Variants in RSPH3 observed in about 807,000 individuals in gnomAD.
RSPH3 encodes radial spoke head 3, also known as radial spoke head protein 3 homolog.
RSPH3 carries 21 observed loss-of-function variants against 43.8 expected under a neutral mutation model. That is an observed-to-expected ratio of 0.48 (90% confidence interval 0.34 to 0.69). The LOEUF is 0.69. Ranked by LOEUF, RSPH3 falls within the 30% of genes least tolerant of loss-of-function variation. RSPH3 has a pLI of 0.01. For missense variants in RSPH3, 487 were observed against 516.0 expected (o/e 0.94, Z 0.54); for synonymous variants, 173 against 179.8 (o/e 0.96, Z 0.30).
At chr6:158,992,050 G>GTTTTTTTTTT (rs1214613827) in intron 2 of RSPH3, among the ~76,000 whole-genome samples, 3 of 113,816 alleles carry the variant, frequency 2.6e-5, no homozygotes, top group East Asian at 2.7e-4. Context: ...AATGAGCACT[G>GTTTTTTTTTT]TTTTTTTTTT....
At chr6:158,972,769 T>C (rs1777712257), downstream of RSPH3, 1 of 152,248 alleles carries the variant, frequency 6.6e-6, no homozygotes, top group Non-Finnish European at 1.5e-5. Flanking sequence ...TTTCAAACTC[T>C]TTAACACTTG....
downstream of RSPH3, among the ~76,000 whole-genome samples, chr6:158,969,137 C>T (rs1054298590): frequency 2.0e-5 from 3 of 152,138 alleles, no homozygotes; most frequent in African/African-American, 4.8e-5. Flanking sequence ...ATTTGAATTG[C>T]TGTCTAGTAT....
downstream of RSPH3, among the ~76,000 whole-genome samples, chr6:158,969,166 A>G (rs1271411429): frequency 2.0e-5 from 3 of 152,208 alleles, no homozygotes; most frequent in African/African-American, 7.2e-5. Flanking sequence ...TTCAGTATGA[A>G]GGACTCCCTT....
intron 2 of RSPH3, among the ~76,000 whole-genome samples, chr6:158,987,457 C>T (rs1211950545): frequency 1.3e-5 from 2 of 152,144 alleles, no homozygotes; most frequent in Non-Finnish European, 2.9e-5. Flanking sequence ...AGTCCTCTTA[C>T]ATTCAGTGTT....
intron 1 of RSPH3, among the ~76,000 whole-genome samples, chr6:158,996,294 G>A (rs2128611151): frequency 6.6e-6 from 1 of 152,210 alleles, no homozygotes; most frequent in East Asian, 1.9e-4. Context: ...GAATTTAATG[G>A]CATTTATGAT....
intron 5 of RSPH3, among the ~76,000 whole-genome samples, chr6:158,981,746 CT>C (rs2128606428): frequency 6.6e-6 from 1 of 152,248 alleles, no homozygotes. Flanking sequence ...AATTATGCTA[CT>C]TTTCACAGCA....
At chr6:158,982,445 C>A in intron 5 of RSPH3, 40 bp downstream of exon 5, 1 of 1,361,310 alleles carries the variant, frequency 7.3e-7, no homozygotes, top group Non-Finnish European at 1.0e-6. Context: ...TGCTAACTAG[C>A]CAAAAGACTG....
intron 2 of RSPH3, among the ~76,000 whole-genome samples, chr6:158,987,345 ATG>A (rs1778268388): frequency 1.3e-5 from 2 of 152,092 alleles, no homozygotes; most frequent in African/African-American, 4.8e-5. Context: ...CTTTCAGTCT[ATG>A]TGTGTCTCTG....
intron 2 of RSPH3, 123 bp downstream of exon 2, chr6:158,993,716 G>T: frequency 1.8e-6 from 1 of 545,702 alleles, no homozygotes; most frequent in East Asian, 3.2e-5. Context: ...CATTTTTATA[G>T]TAATTCATCT....
chr6:158,991,586 G>A (rs922980581), intron 2 of RSPH3, among the ~76,000 whole-genome samples: 1 of 152,194 alleles, frequency 6.6e-6, no homozygotes, highest in Non-Finnish European at 1.5e-5. Context: ...AGATAGGACT[G>A]CAATTCAGCT....
intron 6 of RSPH3, 48 bp from the exon 7 acceptor site, chr6:158,978,394 T>A: frequency 1.1e-6 from 1 of 934,998 alleles, no homozygotes; most frequent in Non-Finnish European, 1.7e-6. Context: ...AGAGGAATAA[T>A]GCGCTTTTCT....
chr6:158,964,439 T>TGA, the RSPH3 span, among the ~76,000 whole-genome samples: 1 of 152,200 alleles, frequency 6.6e-6, no homozygotes, highest in African/African-American at 2.4e-5. Flanking sequence ...ATGTCATAAA[T>TGA]CATTAACTTT....
Position 158,975,802 on chromosome 6 carries a change from C to T in RSPH3, c.*1736G>A, listed in dbSNP as rs924540421. On this transcript the variant is annotated 3_prime_UTR_variant, in exon 8 of 8. Coordinates refer to ENST00000367069, the MANE Select transcript of RSPH3 (RefSeq NM_031924.8). Reference sequence around the variant, plus strand: ...TTTAAATGTGGATACATTCTTGGTACCTAACTTAAAAGAAATTAAGGTAAA... The same window carrying T: ...TTTAAATGTGGATACATTCTTGGTATCTAACTTAAAAGAAATTAAGGTAAA... 3 of 152,074 alleles carry T rather than the reference C, an allele frequency of 2.0e-5. No individual in the cohort carries two copies. Among genetic ancestry groups the T allele is most frequent in the Admixed American group, 2.0e-4 (3 of 15,272 alleles). The allele number at this position is 152,074 out of a possible 1,614,324, so 9.4% of individuals were successfully genotyped here.
intron 7 of RSPH3, 42 bp downstream of exon 7, chr6:158,978,218 A>G (rs368109765): frequency 1.1e-5 from 10 of 945,162 alleles, no homozygotes; most frequent in African/African-American, 6.5e-5. Flanking sequence ...TATTCTTTCT[A>G]CTAAAAACTT....
chr6:158,983,257 A>T (rs566413239), intron 4 of RSPH3, among the ~76,000 whole-genome samples: 54 of 151,240 alleles, frequency 3.6e-4, no homozygotes, highest in Non-Finnish European at 6.2e-4. Flanking sequence ...AATTATTAAA[A>T]TTTTTTTTTT....
At position 158,975,023 on chromosome 6, in the gene RSPH3, T is replaced by G. The variant is rs1349046082; in HGVS notation, c.*2515A>C. 2 of 152,094 alleles carry G rather than the reference T, an allele frequency of 1.3e-5. No homozygotes were observed. Among genetic ancestry groups the G allele is most frequent in the African/African-American group, 4.8e-5 (2 of 41,382 alleles). The allele number at this position is 152,094 out of a possible 1,614,324, so 9.4% of individuals were successfully genotyped here. A position where few individuals can be genotyped will look rare whatever the true frequency, so the allele number is the denominator to read the frequency against. On this transcript the variant is annotated 3_prime_UTR_variant, in exon 8 of 8. Coordinates refer to ENST00000367069, the MANE Select transcript of RSPH3 (RefSeq NM_031924.8). Reference sequence around the variant, plus strand: ...GCCTGACTAATTTTTGTATTTTTAGTAGAGACGGGGTTTCACCATGTTGGC... The same window carrying G: ...GCCTGACTAATTTTTGTATTTTTAGGAGAGACGGGGTTTCACCATGTTGGC...
At chr6:158,983,638 G>A (rs774777323) in intron 4 of RSPH3, 24 bp downstream of exon 4, 8 of 1,590,124 alleles carry the variant, frequency 5.0e-6, no homozygotes, top group South Asian at 3.3e-5. Flanking sequence ...GATTATAGAG[G>A]GAAGCCCAAA....
At chr6:158,983,862 G>GAACTACCATGCCT in intron 3 of RSPH3, 55 bp from the exon 4 acceptor site, 1 of 1,276,366 alleles carries the variant, frequency 7.8e-7, no homozygotes, top group South Asian at 1.2e-5. Flanking sequence ...GGCCAGGCAT[G>GAACTACCATGCCT]GTAGTTCATG....
At chr6:158,981,006 GTAAGTACAAGAATCCAGAC>G in intron 5 of RSPH3, 70 bp from the exon 6 acceptor site, 7 of 1,473,868 alleles carry the variant, frequency 4.7e-6, no homozygotes, top group Non-Finnish European at 6.6e-6. Context: ...AGTGAAGTTA[GTAAGTACAAGAATCCAGAC>G]TTATCAAAAA....
Sources: gnomAD v4.1 joint callset for allele counts (sites outside exome capture counted in the v4.1 genomes callset) on GRCh38, gnomAD v4.1.1 for gene constraint, MANE v1.5 for transcripts, NCBI Gene and HGNC (gene_info 2026-07-23, HGNC 2026-07-21) for gene names.